Variants in CCDC141 observed in about 807,000 individuals in gnomAD.
CCDC141 encodes the protein coiled-coil domain-containing protein 141.
A neutral mutation model predicts 181.0 loss-of-function variants in CCDC141; 168 were observed. That is an observed-to-expected ratio of 0.93 (90% CI 0.82 to 1.05). CCDC141 has a LOEUF of 1.05. Among genes scored for constraint, CCDC141 ranks in the 50% least tolerant of loss-of-function variants. The pLI, the probability that CCDC141 is intolerant of heterozygous loss-of-function variation, is 0.00. For missense variants in CCDC141, 1,902 were observed against 1,788.5 expected (o/e 1.06, Z -1.14); for synonymous variants, 666 against 642.3 (o/e 1.04, Z -0.56).
chr2:179,008,299 C>A (rs2042169553), intron 2 of CCDC141, among the ~76,000 whole-genome samples: 1 of 152,190 alleles, frequency 6.6e-6, no homozygotes, highest in African/African-American at 2.4e-5. Flanking sequence ...GAGCCTCCAC[C>A]ATGTGCCTGA....
At chr2:178,920,337 T>C (rs142996539) in intron 6 of CCDC141, among the ~76,000 whole-genome samples, 10 of 152,340 alleles carry the variant, frequency 6.6e-5, no homozygotes, top group Non-Finnish European at 1.5e-4. Context: ...TTTGCCATTA[T>C]TGTTTCCATT....
At position 178,983,970 on chromosome 2, in the gene CCDC141, C is replaced by T. The variant is rs977528626; in HGVS notation, c.226-5295G>A. The stretch of plus-strand genomic sequence containing the variant: ...GATTCAGGAAATACAGAGAATGCCA[C>T]AAAGATACTCCTCGAGAAGAGCAAC... On this transcript the variant is annotated intron_variant, in intron 2 of 23. Transcript: ENST00000443758. Among the ~76,000 whole-genome samples the T allele has an allele frequency of 3.9e-3, 595 of 150,692 alleles. 8 individuals carry two copies. The highest frequency in any genetic ancestry group is 0.014 in the African/African-American group (560 of 40,900).
chr2:179,019,603 G>T lies in CCDC141; in HGVS notation c.225+27681C>A, dbSNP rs184869290. On this transcript the variant is annotated intron_variant, in intron 2 of 23. Coordinates refer to ENST00000443758, the MANE Select transcript of CCDC141 (RefSeq NM_173648.4). ...TTCTATCCCCTTTACTTCACACTTT[G>T]CCTCATATCAAAAGTAAAATGATTA... Among the ~76,000 whole-genome samples, 265 of 151,972 alleles carry T rather than the reference G, an allele frequency of 1.7e-3. 1 individual carries two copies. The highest frequency in any genetic ancestry group is 0.017 in the South Asian group (80 of 4,774).
At chr2:179,004,716 G>C (rs1020192696) in intron 2 of CCDC141, among the ~76,000 whole-genome samples, 1 of 152,056 alleles carries the variant, frequency 6.6e-6, no homozygotes, top group Non-Finnish European at 1.5e-5. Context: ...CCTAAATAAA[G>C]AACATTAAAG....
the CCDC141 span, among the ~76,000 whole-genome samples, chr2:178,817,966 C>T: frequency 2.6e-5 from 4 of 152,110 alleles, no homozygotes; most frequent in African/African-American, 9.7e-5. Flanking sequence ...CCATGCCTGC[C>T]TAATTTTTGT....
intron 13 of CCDC141, 102 bp downstream of exon 13, chr2:178,872,031 T>C: frequency 1.8e-6 from 2 of 1,131,134 alleles, no homozygotes; most frequent in Non-Finnish European, 2.5e-6. Context: ...TTTATCCTTT[T>C]GTGTTTGGCT....
At chr2:178,961,518 T>C (rs1452752042) in intron 4 of CCDC141, 35 bp from the exon 5 acceptor site, 3 of 1,479,308 alleles carry the variant, frequency 2.0e-6, no homozygotes, top group East Asian at 2.5e-5. Flanking sequence ...AGAATAATGA[T>C]ATTAGCAAGC....
chr2:178,841,236 C>T (rs529560235), intron 22 of CCDC141, among the ~76,000 whole-genome samples: 1 of 152,318 alleles, frequency 6.6e-6, no homozygotes, highest in East Asian at 1.9e-4. Flanking sequence ...TGATGAACTA[C>T]TTAACACTCT....
the CCDC141 span, among the ~76,000 whole-genome samples, chr2:178,819,843 A>G: frequency 5.1e-4 from 77 of 152,296 alleles, no homozygotes; most frequent in African/African-American, 1.7e-3. Flanking sequence ...TATTTAAATA[A>G]TTTTAATACA....
chr2:178,849,437 A>T (rs1392548541), intron 21 of CCDC141, among the ~76,000 whole-genome samples: 1 of 152,216 alleles, frequency 6.6e-6, no homozygotes, highest in African/African-American at 2.4e-5. Flanking sequence ...CTCAACAACC[A>T]GTTCTTTCAG....
At chr2:178,877,823 A>C (rs1047179851) in intron 12 of CCDC141, 141 bp downstream of exon 12, 1 of 770,366 alleles carries the variant, frequency 1.3e-6, no homozygotes, top group East Asian at 2.6e-5. Flanking sequence ...GGGCTTCAGG[A>C]CTGGTCTAGG....
Position 178,865,760 on chromosome 2 carries a change from C to T in CCDC141, c.2724+7G>A. ...AATGTGCCAGTTCTCACCCCTCCCA[C>T]ACCCACCTCATTTATCTCGTCTCTC... On this transcript the variant is annotated splice_region_variant and intron_variant, in intron 17 of 23. Transcript: ENST00000443758. The T allele has an allele frequency of 1.3e-6, 2 of 1,488,446 alleles. No individual in the cohort carries two copies. The highest frequency in any genetic ancestry group is 1.8e-6 in the Non-Finnish European group (2 of 1,115,278). 92.2% of individuals were successfully genotyped at this position (1,488,446 alleles called of 1,614,324 possible). A position where few individuals can be genotyped will look rare whatever the true frequency, so the allele number is the denominator to read the frequency against.
chr2:178,919,015 T>C (rs969059190), intron 6 of CCDC141, 108 bp from the exon 7 acceptor site: 9 of 1,024,098 alleles, frequency 8.8e-6, no homozygotes, highest in Non-Finnish European at 9.8e-6. Flanking sequence ...GGTGATGATA[T>C]TAGGAAGTAG....
chr2:178,880,000 T>A (rs1686524184), intron 11 of CCDC141, among the ~76,000 whole-genome samples: 1 of 152,204 alleles, frequency 6.6e-6, no homozygotes. Flanking sequence ...GTAACCAATA[T>A]AACTGAGATA....
At chr2:178,993,029 A>C (rs1692131168) in intron 2 of CCDC141, among the ~76,000 whole-genome samples, 1 of 152,202 alleles carries the variant, frequency 6.6e-6, no homozygotes, top group Admixed American at 6.5e-5. Flanking sequence ...TCCTTTATAA[A>C]TTAGCCAGTT....
At chr2:178,977,156 G>A (rs1449558694) in intron 3 of CCDC141, among the ~76,000 whole-genome samples, 1 of 152,144 alleles carries the variant, frequency 6.6e-6, no homozygotes, top group Non-Finnish European at 1.5e-5. Flanking sequence ...TTCAATAAAA[G>A]CTCACGCAAG....
intron 2 of CCDC141, among the ~76,000 whole-genome samples, chr2:179,045,436 A>C (rs1451115120): frequency 1.3e-5 from 2 of 151,914 alleles, no homozygotes; most frequent in Non-Finnish European, 2.9e-5. Context: ...GGTTGGCTCC[A>C]AGTCTTTGCT....
chr2:178,881,851 T>C (rs1483646309), intron 11 of CCDC141, among the ~76,000 whole-genome samples: 1 of 149,784 alleles, frequency 6.7e-6, no homozygotes, highest in Admixed American at 6.7e-5. Flanking sequence ...GCTGTGATCA[T>C]GCCACTGCAC....
chr2:178,872,645 T>A (rs187604524), intron 12 of CCDC141, among the ~76,000 whole-genome samples: 4 of 152,324 alleles, frequency 2.6e-5, no homozygotes, highest in Admixed American at 2.6e-4. Context: ...CGTATACCTA[T>A]ACGCATTTTA....
Sources: allele counts gnomAD v4.1 joint callset (sites outside exome capture counted in the v4.1 genomes callset), GRCh38; gene constraint gnomAD v4.1.1; transcripts MANE v1.5; gene names NCBI Gene and HGNC (gene_info 2026-07-23, HGNC 2026-07-21).